Variants in FRRS1 observed in about 807,000 individuals in gnomAD.
FRRS1 encodes ferric chelate reductase 1, also known as ferric reductase 1.
FRRS1 carries 51 observed loss-of-function variants against 70.7 expected under a neutral mutation model. The ratio of observed to expected loss-of-function variants is 0.72; its 90% CI spans 0.58 to 0.91. The LOEUF is 0.91. Among genes scored for constraint, FRRS1 ranks in the 40% least tolerant of loss-of-function variants. The pLI, the probability that FRRS1 is intolerant of heterozygous loss-of-function variation, is 0.00. For synonymous variants in FRRS1, 225 were observed against 238.7 expected (o/e 0.94, Z 0.53); for missense variants, 672 against 726.0 (o/e 0.93, Z 0.86).
In FRRS1 at chr1:99,719,526, TA is replaced by T; in HGVS notation, c.1120+7del. 1 of 1,425,652 alleles carries T rather than the reference TA, an allele frequency of 7.0e-7. No individual in the cohort carries two copies. The highest frequency in any genetic ancestry group is 9.9e-7 in the Non-Finnish European group (1 of 1,008,722). The allele number at this position is 1,425,652 out of a possible 1,614,324, so 88.3% of individuals were successfully genotyped here. A position where few individuals can be genotyped will look rare whatever the true frequency, so the allele number is the denominator to read the frequency against. On this transcript the variant is annotated splice_region_variant and intron_variant, in intron 10 of 16. Transcript: ENST00000646001. ...TGATTCCACAAAGTAGTTACACATG[TA>T]ACCTACCATGAACCTTCAGAAGGAG...
At position 99,726,163 on chromosome 1, in the gene FRRS1, C is replaced by T. The variant is rs569236160; in HGVS notation, c.1006+2330G>A. 2.6e-5 allele frequency among the ~76,000 whole-genome samples: 4 copies of T among 152,212 alleles called. No homozygotes were observed. The South Asian group carries it at 6.2e-4, about 24-fold the overall frequency. On this transcript the variant is annotated intron_variant, in intron 9 of 16. Coordinates refer to ENST00000646001, the MANE Select transcript of FRRS1 (RefSeq NM_001361041.2). Reference sequence around the variant, plus strand: ...CTAAGGAGATCTCGTTGTTTAAAAACGTGTGGCACTTCCACCTTCACTCTC... The same window carrying T: ...CTAAGGAGATCTCGTTGTTTAAAAATGTGTGGCACTTCCACCTTCACTCTC...
At chr1:99,725,489 A>C (rs1046499963) in intron 9 of FRRS1, among the ~76,000 whole-genome samples, 6 of 152,236 alleles carry the variant, frequency 3.9e-5, no homozygotes, top group Non-Finnish European at 1.5e-5. Context: ...CTATAAATGC[A>C]GATTCCATGC....
chr1:99,748,942 C>G lies in FRRS1; in HGVS notation c.-46G>C. 1.9e-6 allele frequency: 1 copy of G among 522,088 alleles called. No individual in the cohort carries two copies. Among genetic ancestry groups the G allele is most frequent in the South Asian group, 3.2e-5 (1 of 31,042 alleles). 32.3% of individuals were successfully genotyped at this position (522,088 alleles called of 1,614,324 possible). A position where few individuals can be genotyped will look rare whatever the true frequency, so the allele number is the denominator to read the frequency against. On this transcript the variant is annotated 5_prime_UTR_variant, in exon 2 of 17. Transcript: ENST00000646001. ...TGTGAAGTTTCACCCGAATTTCAAT[C>G]TCAGCTCTACAAATTACTGTGAGAC...
chr1:99,722,879 A>G (rs1051026079), intron 9 of FRRS1, among the ~76,000 whole-genome samples: 1 of 152,188 alleles, frequency 6.6e-6, no homozygotes, highest in East Asian at 1.9e-4. Context: ...AGGGCTATTA[A>G]CCTGCCATTA....
chr1:99,749,914 T>A lies in FRRS1; in HGVS notation c.-105-913A>T, dbSNP rs550781381. On this transcript the variant is annotated intron_variant, in intron 1 of 16. Coordinates refer to ENST00000646001, the MANE Select transcript of FRRS1 (RefSeq NM_001361041.2). ...AAATAAAGTTAACACCATGGACAGG[T>A]TGCAGATGGGAAACACCTAAGAGGC... 1.4e-4 allele frequency among the ~76,000 whole-genome samples: 21 copies of A among 152,326 alleles called. 1 individual carries two copies. The South Asian group carries it at 4.4e-3, about 32-fold the overall frequency.
chr1:99,746,285 T>C (rs10875251), intron 4 of FRRS1, among the ~76,000 whole-genome samples: 2,473 of 152,290 alleles, frequency 0.016, 95 homozygotes, highest in East Asian at 0.099. Flanking sequence ...TGGAAACGAT[T>C]GTCAACGCTA....
In FRRS1 at chr1:99,742,502, C is replaced by A. The variant is rs1656020621; in HGVS notation, c.334-229G>T. Among the ~76,000 whole-genome samples, 4 of 152,194 alleles carry A rather than the reference C, an allele frequency of 2.6e-5. No homozygotes were observed. The South Asian group carries it at 8.3e-4, about 32-fold the overall frequency. Reference sequence around the variant, plus strand: ...ATGAGAGTCCACAGAAATCTAAGAACTGAAGAGAGCTGTGAACACTGGGTA... The same window carrying A: ...ATGAGAGTCCACAGAAATCTAAGAAATGAAGAGAGCTGTGAACACTGGGTA... On this transcript the variant is annotated intron_variant, in intron 4 of 16. Coordinates refer to ENST00000646001, the MANE Select transcript of FRRS1 (RefSeq NM_001361041.2).
intron 7 of FRRS1, among the ~76,000 whole-genome samples, chr1:99,731,762 T>C (rs569005796): frequency 6.6e-6 from 1 of 152,356 alleles, no homozygotes; most frequent in Admixed American, 6.5e-5. Context: ...GAGACCATAT[T>C]GCCCACGAAC....
intron 7 of FRRS1, among the ~76,000 whole-genome samples, chr1:99,735,409 T>A (rs1214350379): frequency 6.6e-6 from 1 of 152,192 alleles, no homozygotes; most frequent in Non-Finnish European, 1.5e-5. Flanking sequence ...GAAAAAGGGG[T>A]ATAATTTAGG....
rs898791868 is a variant in FRRS1, at chr1:99,753,269, C to T, written c.-105-4268G>A. ...GGTGCGGTGGCTCATGCCTGTAATC[C>T]CAGCACTTTGGGAGGGAAGGGCAGG... On this transcript the variant is annotated intron_variant, in intron 1 of 16. Transcript: ENST00000646001. Among the ~76,000 whole-genome samples, 68 of 151,136 alleles carry T rather than the reference C, an allele frequency of 4.5e-4. 1 individual carries two copies. Among genetic ancestry groups the T allele is most frequent in the Non-Finnish European group, 7.8e-4 (53 of 67,856 alleles).
At chr1:99,741,068 AATTTTG>A in intron 5 of FRRS1, 128 bp from the exon 6 acceptor site, 1 of 865,090 alleles carries the variant, frequency 1.2e-6, no homozygotes, top group Non-Finnish European at 1.8e-6. Context: ...CAGGACTATT[AATTTTG>A]CCTGAGGCAA....
chr1:99,761,992 A>C (rs540983713), intron 1 of FRRS1, among the ~76,000 whole-genome samples: 1 of 152,222 alleles, frequency 6.6e-6, no homozygotes, highest in Non-Finnish European at 1.5e-5. Context: ...CCCATATGTA[A>C]AATAGGGCAC....
chr1:99,716,208 G>A (rs533273075), intron 11 of FRRS1, among the ~76,000 whole-genome samples: 27 of 152,324 alleles, frequency 1.8e-4, no homozygotes, highest in Admixed American at 5.9e-4. Context: ...AACTGGTGCA[G>A]ACCAAAACTA....
chr1:99,743,268 T>C (rs1027538303), intron 4 of FRRS1, among the ~76,000 whole-genome samples: 14 of 152,154 alleles, frequency 9.2e-5, no homozygotes, highest in Admixed American at 4.6e-4. Context: ...CACCACCTTA[T>C]AGTGAAAAGA....
intron 7 of FRRS1, among the ~76,000 whole-genome samples, chr1:99,736,279 C>A (rs1181934898): frequency 1.3e-5 from 2 of 152,124 alleles, no homozygotes; most frequent in African/African-American, 4.8e-5. Flanking sequence ...ACAATCAGCG[C>A]ATCAGCTGAG....
chr1:99,740,195 T>C (rs1371011509), intron 6 of FRRS1, among the ~76,000 whole-genome samples: 3 of 151,226 alleles, frequency 2.0e-5, no homozygotes, highest in Non-Finnish European at 3.0e-5. Context: ...CTTCTTTTGA[T>C]ATCTGGCTGT....
At chr1:99,739,953 T>C (rs777749226) in intron 6 of FRRS1, among the ~76,000 whole-genome samples, 2 of 152,166 alleles carry the variant, frequency 1.3e-5, no homozygotes, top group Admixed American at 6.5e-5. Context: ...AAAACCCTTC[T>C]TCCTTATGTT....
rs1175734744 is a variant in FRRS1 at position 99,713,775 on chromosome 1, ATAG to A, written c.1324-1263_1324-1261del. On this transcript the variant is annotated intron_variant, in intron 12 of 16. Transcript: ENST00000646001. ...ATATCCCAGCTCTGACTGAGCTGAC[ATAG>A]TAGTGTTGGAAGGGAGATCAAGAAA... Among the ~76,000 whole-genome samples, 15 of 152,188 alleles carry A rather than the reference ATAG, an allele frequency of 9.9e-5. No individual in the cohort carries two copies. In the South Asian group the frequency reaches 1.0e-3, roughly 10 times the overall value.
At chr1:99,734,856 A>C (rs1655569323) in intron 7 of FRRS1, among the ~76,000 whole-genome samples, 1 of 152,214 alleles carries the variant, frequency 6.6e-6, no homozygotes, top group African/African-American at 2.4e-5. Flanking sequence ...GGACGAGACC[A>C]GCCTGCAGCT....
Sources: gnomAD v4.1 joint callset for allele counts (sites outside exome capture counted in the v4.1 genomes callset) on GRCh38, gnomAD v4.1.1 for gene constraint, MANE v1.5 for transcripts, NCBI Gene and HGNC (gene_info 2026-07-23, HGNC 2026-07-21) for gene names.